Variants in CCDC171 observed in about 807,000 individuals in gnomAD.
CCDC171 encodes coiled-coil domain containing 171, also known as coiled-coil domain-containing protein 171.
CCDC171 carries 177 observed loss-of-function variants against 168.2 expected under a neutral mutation model. That is an observed-to-expected ratio of 1.05 (90% CI 0.93 to 1.19). CCDC171 has a LOEUF of 1.19. Ranked by LOEUF, CCDC171 falls within the 50% of genes most tolerant of loss-of-function variation. The pLI is 0.00. For synonymous variants in CCDC171, 687 were observed against 540.8 expected (o/e 1.27, Z -3.75); for missense variants, 1,991 against 1,539.0 (o/e 1.29, Z -4.91).
intron 21 of CCDC171, among the ~76,000 whole-genome samples, chr9:15,838,986 A>T (rs2060564475): frequency 6.6e-6 from 1 of 152,226 alleles, no homozygotes; most frequent in South Asian, 2.1e-4. Context: ...TTATAAAGGA[A>T]AGGTAAATAA....
At chr9:16,063,241 T>C (rs1471716458), downstream of CCDC171, among the ~76,000 whole-genome samples, 2 of 152,136 alleles carry the variant, frequency 1.3e-5, no homozygotes, top group African/African-American at 4.8e-5. Context: ...GAAGACACCA[T>C]GTACAGGGAC....
chr9:15,864,127 G>C (rs978461737), intron 23 of CCDC171, among the ~76,000 whole-genome samples: 1 of 151,980 alleles, frequency 6.6e-6, no homozygotes. Context: ...AGCTTCTCGA[G>C]TTCTGAAAAA....
chr9:15,909,531 A>G (rs1823298999), intron 24 of CCDC171, among the ~76,000 whole-genome samples: 1 of 152,172 alleles, frequency 6.6e-6, no homozygotes, highest in African/African-American at 2.4e-5. Context: ...TGGCGAAACA[A>G]GTATTTGTGG....
chr9:15,812,692 T>C (rs2059407533), intron 21 of CCDC171, among the ~76,000 whole-genome samples: 1 of 152,178 alleles, frequency 6.6e-6, no homozygotes, highest in South Asian at 2.1e-4. Context: ...AATTAGGGAC[T>C]AATTAAGGAA....
chr9:15,840,477 G>T (rs991177855), intron 21 of CCDC171, among the ~76,000 whole-genome samples: 3 of 152,084 alleles, frequency 2.0e-5, no homozygotes, highest in Admixed American at 6.6e-5. Context: ...CAACAGAAGA[G>T]CCCATGTGTA....
intron 10 of CCDC171, among the ~76,000 whole-genome samples, chr9:15,694,912 C>G (rs2051099383): frequency 1.3e-5 from 2 of 152,216 alleles, no homozygotes; most frequent in African/African-American, 4.8e-5. Context: ...CATAATTCCT[C>G]TGTCTCAGTT....
At chr9:15,998,518 T>C (rs2132939753) in intron 3 of CCDC171, among the ~76,000 whole-genome samples, 1 of 152,322 alleles carries the variant, frequency 6.6e-6, no homozygotes, top group South Asian at 2.1e-4. Flanking sequence ...GCAGATTGTC[T>C]ATTCCTTTGA....
intron 3 of CCDC171, among the ~76,000 whole-genome samples, chr9:15,999,262 AAGAG>A (rs928892566): frequency 2.9e-4 from 44 of 150,990 alleles, no homozygotes; most frequent in African/African-American, 1.0e-3. Flanking sequence ...GAAAGAGAGA[AAGAG>A]AAAGAAAGAA....
chr9:15,669,359 A>G (rs1188863864), intron 9 of CCDC171, among the ~76,000 whole-genome samples: 2 of 152,146 alleles, frequency 1.3e-5, no homozygotes, highest in Non-Finnish European at 2.9e-5. Flanking sequence ...TAATAGTTGT[A>G]CATATTTATG....
At chr9:15,713,099 C>G (rs143114006) in intron 11 of CCDC171, among the ~76,000 whole-genome samples, 1 of 152,306 alleles carries the variant, frequency 6.6e-6, no homozygotes, top group African/African-American at 2.4e-5. Context: ...AACAGTTAGA[C>G]ACCACACATG....
chr9:15,667,906 A>T (rs1483366884), intron 9 of CCDC171, among the ~76,000 whole-genome samples: 1 of 152,162 alleles, frequency 6.6e-6, no homozygotes, highest in Non-Finnish European at 1.5e-5. Flanking sequence ...TATTCTAAGG[A>T]CTTATTTATC....
intron 25 of CCDC171, among the ~76,000 whole-genome samples, chr9:15,956,484 ATGTAGGTT>A (rs1829810548): frequency 6.6e-6 from 1 of 152,174 alleles, no homozygotes; most frequent in South Asian, 2.1e-4. Context: ...AGCTTTACAA[ATGTAGGTT>A]TCCGAAGGCA....
chr9:15,954,940 T>G (rs1361499614), intron 25 of CCDC171, among the ~76,000 whole-genome samples: 2 of 152,140 alleles, frequency 1.3e-5, no homozygotes, highest in African/African-American at 4.8e-5. Flanking sequence ...AGGGATAGTT[T>G]TCTATTGATT....
intron 7 of CCDC171, among the ~76,000 whole-genome samples, chr9:15,632,177 T>C (rs10810412): frequency 0.53 from 73,072 of 138,880 alleles, 19,814 homozygotes; most frequent in East Asian, 0.75. Flanking sequence ...CCAGGGCAAT[T>C]AGGCAGGAGA....
intron 23 of CCDC171, among the ~76,000 whole-genome samples, chr9:15,858,899 T>G (rs1031705162): frequency 6.6e-6 from 1 of 152,086 alleles, no homozygotes; most frequent in African/African-American, 2.4e-5. Context: ...CAAATCACGC[T>G]TGCTAGGACA....
chr9:16,070,437 A>G, the CCDC171 span, among the ~76,000 whole-genome samples: 5 of 152,310 alleles, frequency 3.3e-5, no homozygotes, highest in Admixed American at 2.6e-4. Flanking sequence ...TGGCTCTCAC[A>G]TTACGAGCTC....
chr9:15,661,153 G>A (rs1216369114), intron 8 of CCDC171, among the ~76,000 whole-genome samples: 4 of 151,946 alleles, frequency 2.6e-5, no homozygotes, highest in Non-Finnish European at 5.9e-5. Context: ...CGTGGCGGGC[G>A]CCTGTAGTCC....
chr9:16,072,714 C>T, the CCDC171 span, among the ~76,000 whole-genome samples: 2 of 152,234 alleles, frequency 1.3e-5, no homozygotes, highest in African/African-American at 2.4e-5. Context: ...TGCTCACTCT[C>T]ACCTCTATCT....
the CCDC171 span, among the ~76,000 whole-genome samples, chr9:16,092,030 G>C: frequency 6.6e-6 from 1 of 152,158 alleles, no homozygotes; most frequent in Non-Finnish European, 1.5e-5. Context: ...TGTTGTTCCA[G>C]GTCTAAGTGG....
Sources: allele counts gnomAD v4.1 joint callset (sites outside exome capture counted in the v4.1 genomes callset), GRCh38; gene constraint gnomAD v4.1.1; transcripts MANE v1.5; gene names NCBI Gene and HGNC (gene_info 2026-07-23, HGNC 2026-07-21).